OXR1: variants seen among roughly 807,000 people sequenced by gnomAD.
The protein encoded by OXR1 is oxidation resistance 1.
Under a neutral mutation model 104.6 loss-of-function variants are expected in OXR1, and 41 were observed. The ratio of observed to expected loss-of-function variants is 0.39; its 90% CI spans 0.31 to 0.51. The LOEUF (loss-of-function observed/expected upper bound fraction) is 0.51, where lower values mean the gene tolerates loss of function less well. Among genes scored for constraint, OXR1 ranks in the 20% least tolerant of loss-of-function variants. The pLI is 0.77. For missense variants in OXR1, 955 were observed against 1,031.9 expected (o/e 0.93, Z 1.02); for synonymous variants, 348 against 348.4 (o/e 1.00, Z 0.01).
chr8:106,655,307 G>GTT (rs34669888), intron 3 of OXR1, among the ~76,000 whole-genome samples: 18 of 147,674 alleles, frequency 1.2e-4, no homozygotes, highest in African/African-American at 3.0e-4. Flanking sequence ...TATGAATAAA[G>GTT]TTTTTTTTTT....
At chr8:106,421,871 CAA>C (rs1818920502) in intron 2 of OXR1, among the ~76,000 whole-genome samples, 1 of 120,924 alleles carries the variant, frequency 8.3e-6, no homozygotes, top group South Asian at 2.8e-4. Flanking sequence ...TAAATATACG[CAA>C]GTTGATAATT....
intron 3 of OXR1, among the ~76,000 whole-genome samples, chr8:106,626,243 A>C (rs1010437102): frequency 6.6e-6 from 1 of 151,912 alleles, no homozygotes; most frequent in Admixed American, 6.6e-5. Flanking sequence ...ATTATATAGA[A>C]GTATATTATT....
intron 2 of OXR1, among the ~76,000 whole-genome samples, chr8:106,501,697 T>C (rs1185203632): frequency 6.6e-6 from 1 of 152,136 alleles, no homozygotes; most frequent in Non-Finnish European, 1.5e-5. Context: ...ATGTAAATAG[T>C]TCGTGTTTTA....
chr8:106,658,229 T>C (rs1825351494), intron 3 of OXR1: 11 of 1,231,132 alleles, frequency 8.9e-6, no homozygotes, highest in African/African-American at 1.6e-5. Flanking sequence ...CGACCTGGGC[T>C]GAGGGCTGTG....
intron 1 of OXR1, among the ~76,000 whole-genome samples, chr8:106,317,175 G>T (rs1814001105): frequency 6.6e-6 from 1 of 152,156 alleles, no homozygotes; most frequent in Non-Finnish European, 1.5e-5. Flanking sequence ...GTCGTGATTG[G>T]CTGTCATGTT....
At chr8:106,506,326 A>C (rs185668825) in intron 2 of OXR1, among the ~76,000 whole-genome samples, 250 of 152,252 alleles carry the variant, frequency 1.6e-3, no homozygotes, top group Admixed American at 2.7e-3. Context: ...AAAAACAGAG[A>C]GTTTTGGCCA....
chr8:106,361,112 T>C (rs989430212), intron 2 of OXR1, among the ~76,000 whole-genome samples: 2 of 152,190 alleles, frequency 1.3e-5, no homozygotes, highest in Non-Finnish European at 2.9e-5. Flanking sequence ...AGAGAGAGAC[T>C]GCATGTCATG....
intron 3 of OXR1, among the ~76,000 whole-genome samples, chr8:106,676,263 A>G: frequency 6.6e-6 from 1 of 152,124 alleles, no homozygotes; most frequent in South Asian, 2.1e-4. Context: ...TGTCTTATCC[A>G]GCTTGCCACT....
chr8:106,743,245 T>G (rs547215350), intron 15 of OXR1, among the ~76,000 whole-genome samples: 8 of 152,322 alleles, frequency 5.3e-5, no homozygotes, highest in African/African-American at 1.9e-4. Flanking sequence ...CTCACTCCAG[T>G]CAGAATGGCT....
chr8:106,294,805 G>C (rs80022421), intron 1 of OXR1, among the ~76,000 whole-genome samples: 1 of 152,132 alleles, frequency 6.6e-6, no homozygotes. Context: ...CCATATCACA[G>C]GGTAACTCAA....
chr8:106,316,336 C>A (rs1813935488), intron 1 of OXR1, among the ~76,000 whole-genome samples: 1 of 152,134 alleles, frequency 6.6e-6, no homozygotes, highest in Non-Finnish European at 1.5e-5. Context: ...GAAGAGCAGT[C>A]TGAAGAATGA....
At chr8:106,371,838 G>A (rs890979625) in intron 2 of OXR1, among the ~76,000 whole-genome samples, 1 of 152,234 alleles carries the variant, frequency 6.6e-6, no homozygotes, top group African/African-American at 2.4e-5. Flanking sequence ...GCCACAGCAG[G>A]TGTGTTGGGC....
rs1167247095 is a variant in OXR1 at position 106,750,304 on chromosome 8, TTTTTC to T, written c.2487-482_2487-478del. ...TTCCTGGTCTGTATCATAAATAATT[TTTTTC>T]TTTTCTTTTCTTTTCTTTTTTTTTT... On this transcript the variant is annotated intron_variant, in intron 16 of 16. Coordinates refer to ENST00000517566, the MANE Select transcript of OXR1 (RefSeq NM_001198533.2). Among the ~76,000 whole-genome samples the T allele has an allele frequency of 3.2e-3, 475 of 149,526 alleles. 3 individuals carry two copies. Among genetic ancestry groups the T allele is most frequent in the African/African-American group, 0.01 (416 of 40,846 alleles).
At chr8:106,604,709 C>T (rs1820235465) in intron 3 of OXR1, 1 of 152,262 alleles carries the variant, frequency 6.6e-6, no homozygotes, top group East Asian at 1.9e-4. Context: ...GGTTGTACAG[C>T]TGTTTGCAAT....
At chr8:106,746,311 T>G (rs925966378) in intron 16 of OXR1, among the ~76,000 whole-genome samples, 2 of 3,768 alleles carry the variant, frequency 5.3e-4, no homozygotes, top group African/African-American at 6.4e-3. Flanking sequence ...GGGTTTTTGC[T>G]TGCTTGTTTT....
chr8:106,536,112 C>G (rs564097834), intron 3 of OXR1, among the ~76,000 whole-genome samples: 1 of 151,550 alleles, frequency 6.6e-6, no homozygotes, highest in African/African-American at 2.4e-5. Context: ...CCCAGCTACT[C>G]GGGAGGCTGA....
chr8:106,338,152 A>G (rs564586397), intron 1 of OXR1, among the ~76,000 whole-genome samples: 7 of 152,306 alleles, frequency 4.6e-5, no homozygotes, highest in South Asian at 2.1e-4. Context: ...TAAATGCCAA[A>G]TAATCAAACG....
chr8:106,369,124 G>A (rs1816604834), intron 2 of OXR1, among the ~76,000 whole-genome samples: 1 of 152,140 alleles, frequency 6.6e-6, no homozygotes, highest in Non-Finnish European at 1.5e-5. Context: ...TCTCACTGTG[G>A]TTTTGATTTT....
chr8:106,738,587 CATA>C (rs1234368005), intron 12 of OXR1, among the ~76,000 whole-genome samples: 2 of 151,456 alleles, frequency 1.3e-5, no homozygotes, highest in Non-Finnish European at 2.9e-5. Context: ...TTAAAAGTTT[CATA>C]ATGTTTCATT....
Sources: allele counts gnomAD v4.1 joint callset (sites outside exome capture counted in the v4.1 genomes callset), GRCh38; gene constraint gnomAD v4.1.1; transcripts MANE v1.5; gene names NCBI Gene and HGNC (gene_info 2026-07-23, HGNC 2026-07-21).